PRKG1: variants seen among roughly 807,000 people sequenced by gnomAD.
PRKG1 encodes the protein cGMP-dependent protein kinase 1.
Under a neutral mutation model 88.1 loss-of-function variants are expected in PRKG1, and 35 were observed. That is an observed-to-expected ratio of 0.40 (90% confidence interval 0.30 to 0.53). The LOEUF is 0.53. Among genes scored for constraint, PRKG1 ranks in the 20% least tolerant of loss-of-function variants. PRKG1 has a pLI of 0.59. For synonymous variants in PRKG1, 303 were observed against 292.5 expected (o/e 1.04, Z -0.37); for missense variants, 540 against 839.8 (o/e 0.64, Z 4.41).
rs550970541 is a variant in PRKG1, at chr10:51,161,227, A to T, written c.478+7897A>T. Among the ~76,000 whole-genome samples the T allele has an allele frequency of 2.0e-5, 3 of 152,036 alleles. No homozygotes were observed. The South Asian group carries it at 6.2e-4, about 32-fold the overall frequency. ...TAGAGGTAGGTGATTAAGCTGACTA[A>T]TACAGTTTTTTTTTTGGCTAAAATA... On this transcript the variant is annotated intron_variant, in intron 2 of 17. Coordinates refer to ENST00000373980, the MANE Select transcript of PRKG1 (RefSeq NM_006258.4).
At chr10:51,694,762 G>T (rs1469826232) in intron 3 of PRKG1, among the ~76,000 whole-genome samples, 2 of 152,184 alleles carry the variant, frequency 1.3e-5, no homozygotes, top group South Asian at 2.1e-4. Context: ...TATAAACGAT[G>T]ATTGTGTAGA....
intron 4 of PRKG1, among the ~76,000 whole-genome samples, chr10:51,833,629 T>A (rs1840057101): frequency 6.6e-6 from 1 of 152,198 alleles, no homozygotes; most frequent in African/African-American, 2.4e-5. Context: ...CATGTATACA[T>A]TGTGGAATGA....
intron 3 of PRKG1, among the ~76,000 whole-genome samples, chr10:51,763,042 A>C (rs1838061730): frequency 6.6e-6 from 1 of 152,174 alleles, no homozygotes; most frequent in Admixed American, 6.5e-5. Context: ...TAATCGTTAC[A>C]GAGGGATGCC....
chr10:51,554,134 G>A (rs1837236145), intron 3 of PRKG1, among the ~76,000 whole-genome samples: 1 of 145,540 alleles, frequency 6.9e-6, no homozygotes, highest in Non-Finnish European at 1.5e-5. Context: ...TATATTATAT[G>A]TGCGTATGTG....
At chr10:51,046,784 T>A (rs1843494410) in intron 1 of PRKG1, among the ~76,000 whole-genome samples, 1 of 151,996 alleles carries the variant, frequency 6.6e-6, no homozygotes, top group African/African-American at 2.4e-5. Flanking sequence ...CATGATGGAG[T>A]CTTTGCAGAA....
At position 51,047,206 on chromosome 10, in the gene PRKG1, G is replaced by A. The variant is rs184364874; in HGVS notation, c.266+55562G>A. Reference sequence around the variant, plus strand: ...AGTCTGGGCTAGGCACTTAAGCCATGTGCAAAACACAATGGAGCATAATGG... The same window carrying A: ...AGTCTGGGCTAGGCACTTAAGCCATATGCAAAACACAATGGAGCATAATGG... On this transcript the variant is annotated intron_variant, in intron 1 of 17. Transcript: ENST00000401604. 3.9e-5 allele frequency among the ~76,000 whole-genome samples: 6 copies of A among 152,290 alleles called. No homozygotes were observed. The East Asian group carries it at 1.2e-3, about 29-fold the overall frequency.
chr10:51,406,298 C>G (rs927935677), intron 2 of PRKG1, among the ~76,000 whole-genome samples: 27 of 152,198 alleles, frequency 1.8e-4, no homozygotes, highest in African/African-American at 6.3e-4. Context: ...AAGCCTGGCT[C>G]AGGTGCAGAG....
chr10:52,030,174 G>A (rs1845442020), intron 5 of PRKG1, among the ~76,000 whole-genome samples: 1 of 152,138 alleles, frequency 6.6e-6, no homozygotes, highest in Non-Finnish European at 1.5e-5. Context: ...CTGCCTAAAT[G>A]GGCTTTAGTA....
rs1354751954 is a variant in PRKG1 at position 52,282,190 on chromosome 10, A to T, written c.1583A>T (p.Lys528Met). ...TTTGCAAAGAAAATAGGATTTGGAAAGAAAACATGGACTTTTTGTGGGACT... is the reference window on the plus strand; with the variant it reads ...TTTGCAAAGAAAATAGGATTTGGAATGAAAACATGGACTTTTTGTGGGACT... ...FGFAKKIGFGKKTWTFCGTPE... is the reference protein window; with the variant it reads ...FGFAKKIGFGMKTWTFCGTPE... Residue 528 changes from lysine to methionine, a missense_variant, in exon 14 of 18, where the codon AAG becomes ATG. Physicochemically the swap from Lys to Met is moderately conservative, Grantham distance 95. Around this residue, in one of 5 missense-constraint regions of PRKG1, gnomAD observed 97 missense variants for 210.6 expected, o/e 0.46. Transcript: ENST00000373980. The T allele has an allele frequency of 6.2e-7, 1 of 1,607,200 alleles. No individual in the cohort carries two copies. The highest frequency in any genetic ancestry group is 2.2e-5 in the East Asian group (1 of 44,818).
chr10:51,699,809 A>G, intron 3 of PRKG1, among the ~76,000 whole-genome samples: 1 of 152,068 alleles, frequency 6.6e-6, no homozygotes, highest in Non-Finnish European at 1.5e-5. Context: ...CGTTCCGCTG[A>G]CTTTCTGTGG....
chr10:51,559,773 G>T (rs866814788), intron 3 of PRKG1, among the ~76,000 whole-genome samples: 14 of 152,122 alleles, frequency 9.2e-5, no homozygotes, highest in African/African-American at 3.4e-4. Flanking sequence ...CAAGCCTTAT[G>T]TGATTGTCTC....
intron 4 of PRKG1, among the ~76,000 whole-genome samples, chr10:51,812,053 T>C (rs1011703067): frequency 2.0e-5 from 3 of 152,250 alleles, no homozygotes; most frequent in African/African-American, 7.2e-5. Flanking sequence ...TATGATAGGT[T>C]GGTGCAAGAG....
intron 3 of PRKG1, among the ~76,000 whole-genome samples, chr10:51,578,732 T>C (rs1479173237): frequency 2.0e-5 from 3 of 152,170 alleles, no homozygotes; most frequent in Admixed American, 6.6e-5. Flanking sequence ...ACATTTTCAA[T>C]AGAGTCTGTT....
intron 4 of PRKG1, among the ~76,000 whole-genome samples, chr10:51,876,223 TACACACAC>T (rs3029926): frequency 6.7e-6 from 1 of 150,114 alleles, no homozygotes; most frequent in Non-Finnish European, 1.5e-5. Flanking sequence ...ATATTTGTGT[TACACACAC>T]ACACACACAC....
At chr10:51,538,556 A>G (rs1842221938) in intron 3 of PRKG1, among the ~76,000 whole-genome samples, 1 of 150,748 alleles carries the variant, frequency 6.6e-6, no homozygotes, top group South Asian at 2.1e-4. Flanking sequence ...TTTTTAAATT[A>G]ACGGGCTGTT....
At chr10:51,803,075 T>C (rs1839216788) in intron 3 of PRKG1, among the ~76,000 whole-genome samples, 1 of 152,138 alleles carries the variant, frequency 6.6e-6, no homozygotes, top group Admixed American at 6.6e-5. Flanking sequence ...TTCCAACTCT[T>C]AGGAATCCTC....
At chr10:52,125,450 T>C (rs1313116818) in intron 7 of PRKG1, among the ~76,000 whole-genome samples, 2 of 152,202 alleles carry the variant, frequency 1.3e-5, no homozygotes, top group Non-Finnish European at 2.9e-5. Flanking sequence ...CTATTAGTTA[T>C]CTGATTGCAT....
intron 3 of PRKG1, among the ~76,000 whole-genome samples, chr10:51,576,759 T>C (rs978717183): frequency 6.7e-6 from 1 of 149,608 alleles, no homozygotes; most frequent in African/African-American, 2.5e-5. Flanking sequence ...CTAACTGTAA[T>C]TGTTTGAGGA....
At chr10:51,472,945 A>T (rs182908174) in intron 3 of PRKG1, among the ~76,000 whole-genome samples, 62 of 152,038 alleles carry the variant, frequency 4.1e-4, no homozygotes, top group African/African-American at 1.5e-3. Context: ...AGAAGACACA[A>T]ATTAAGTTTG....
Sources: gnomAD v4.1 joint callset for allele counts (sites outside exome capture counted in the v4.1 genomes callset) on GRCh38, gnomAD v4.1.1 for gene constraint, gnomAD v4.1.1 regional missense constraint, MANE v1.5 for transcripts, NCBI Gene and HGNC (gene_info 2026-07-23, HGNC 2026-07-21) for gene names.